Variants in RNF10 observed in about 807,000 individuals in gnomAD.
RNF10 encodes the protein E3 ubiquitin-protein ligase RNF10.
In RNF10, 38 loss-of-function variants were observed where a neutral mutation model predicts 91.4. That is an observed-to-expected ratio of 0.42 (90% CI 0.32 to 0.54). The LOEUF is 0.54. Among genes scored for constraint, RNF10 ranks in the 20% least tolerant of loss-of-function variants. The pLI is 0.16. For synonymous variants in RNF10, 364 were observed against 366.3 expected (o/e 0.99, Z 0.07); for missense variants, 945 against 1,012.0 (o/e 0.93, Z 0.90).
At chr12:120,553,695 A>G (rs1164554843) in intron 3 of RNF10, among the ~76,000 whole-genome samples, 2 of 151,204 alleles carry the variant, frequency 1.3e-5, no homozygotes, top group Non-Finnish European at 3.0e-5. Context: ...GAGCCACGGC[A>G]CCCAACCAGG....
At chr12:120,568,897 C>T (rs138042726) in intron 13 of RNF10, among the ~76,000 whole-genome samples, 38 of 152,216 alleles carry the variant, frequency 2.5e-4, no homozygotes, top group Middle Eastern at 3.4e-3. Flanking sequence ...GCTGGGATTC[C>T]AGGTGTGAGC....
At chr12:120,562,893 A>G in intron 7 of RNF10, 52 bp from the exon 8 acceptor site, 1 of 1,611,170 alleles carries the variant, frequency 6.2e-7, no homozygotes, top group African/African-American at 1.3e-5. Flanking sequence ...CTTCAAGCTA[A>G]GTGTGTGTCT....
At position 120,557,430 on chromosome 12, in the gene RNF10, T is replaced by C. The variant is rs1162667641; in HGVS notation, c.794T>C (p.Ile265Thr). ...LSEKTWSKCP[I>T]CYSSVHKKDL... Reference sequence around the variant, plus strand: ...GAGAAGACGTGGAGTAAATGTCCCATCTGTTACAGTTCTGTGCATAAGAAG... The same window carrying C: ...GAGAAGACGTGGAGTAAATGTCCCACCTGTTACAGTTCTGTGCATAAGAAG... Residue 265 changes from isoleucine (I) to threonine (T), a missense_variant, in exon 5 of 17, where the codon ATC (isoleucine) becomes ACC (threonine). By Grantham distance (89) the Ile-to-Thr change is moderately conservative. Coordinates refer to ENST00000325954, the MANE Select transcript of RNF10 (RefSeq NM_014868.5). 1.9e-6 allele frequency: 3 copies of C among 1,614,196 alleles called. No individual in the cohort carries two copies. The highest frequency in any genetic ancestry group is 2.5e-6 in the Non-Finnish European group (3 of 1,180,032).
chr12:120,573,683 A>G (rs1455637280), intron 14 of RNF10, among the ~76,000 whole-genome samples: 1 of 152,108 alleles, frequency 6.6e-6, no homozygotes, highest in Admixed American at 6.5e-5. Flanking sequence ...TGGTACACGA[A>G]GTGAAGGGGT....
intron 11 of RNF10, 57 bp from the exon 12 acceptor site, chr12:120,565,371 G>A: frequency 6.7e-7 from 1 of 1,492,200 alleles, no homozygotes; most frequent in South Asian, 1.1e-5. Flanking sequence ...AATACTGGGA[G>A]GAGGTAATGA....
chr12:120,535,102 C>G, intron 1 of RNF10, 134 bp downstream of exon 1: 1 of 985,978 alleles, frequency 1.0e-6, no homozygotes, highest in South Asian at 1.8e-5. Flanking sequence ...TTTTCCATGG[C>G]TCTCATTTGC....
At chr12:120,566,185 G>T (rs1407747197) in intron 12 of RNF10, among the ~76,000 whole-genome samples, 2 of 152,184 alleles carry the variant, frequency 1.3e-5, no homozygotes, top group African/African-American at 4.8e-5. Flanking sequence ...CCAACACCGT[G>T]TAGGTGTTTG....
intron 7 of RNF10, among the ~76,000 whole-genome samples, chr12:120,561,316 C>T (rs1408218438): frequency 1.3e-5 from 2 of 152,134 alleles, no homozygotes; most frequent in African/African-American, 2.4e-5. Context: ...CTTAGGAGTA[C>T]CTGAAACGGC....
chr12:120,538,653 AAGAG>A (rs1193231602), intron 1 of RNF10, among the ~76,000 whole-genome samples: 2 of 152,194 alleles, frequency 1.3e-5, no homozygotes, highest in Non-Finnish European at 2.9e-5. Flanking sequence ...GGAGCAAAGA[AAGAG>A]AGGCAAGAGA....
At chr12:120,567,054 C>A (rs1875850105) in intron 13 of RNF10, 74 bp downstream of exon 13, 2 of 1,435,618 alleles carry the variant, frequency 1.4e-6, no homozygotes, top group Non-Finnish European at 1.9e-6. Flanking sequence ...GAGTTTACAA[C>A]CCCGGCCCAC....
At chr12:120,543,972 A>C (rs1249292754) in intron 1 of RNF10, among the ~76,000 whole-genome samples, 2 of 152,150 alleles carry the variant, frequency 1.3e-5, no homozygotes, top group African/African-American at 4.8e-5. Context: ...TCATGCCTGT[A>C]ATCCCAGTAC....
chr12:120,560,773 C>CAGCTCTA lies in RNF10; in HGVS notation c.1017_1018insCTCTAAG (p.Val340LeufsTer2). The CAGCTCTA allele has an allele frequency of 6.2e-7, 1 of 1,614,130 alleles. No individual in the cohort carries two copies. The highest frequency in any genetic ancestry group is 8.5e-7 in the Non-Finnish European group (1 of 1,180,022). ...CAAGTTGCTGCTGGCCTCTAAGGAG[C>CAGCTCTA]AGGTGCTGCACCGGGTAGTTCTGGA... On this transcript the variant is annotated stop_gained and frameshift_variant, in exon 7 of 17. Coordinates refer to ENST00000325954, the MANE Select transcript of RNF10 (RefSeq NM_014868.5). LOFTEE classifies it high-confidence loss of function.
At position 120,552,952 on chromosome 12, in the gene RNF10, C is replaced by T. The variant is rs536011068; in HGVS notation, c.554+254C>T. Among the ~76,000 whole-genome samples, 5 of 151,404 alleles carry T rather than the reference C, an allele frequency of 3.3e-5. No homozygotes were observed. The South Asian group carries it at 8.3e-4, about 25-fold the overall frequency. ...GTAGAAAACATGTTTGGAATTGGAC[C>T]TAGATTTGAATCTTGTTTCGGCCTT... On this transcript the variant is annotated intron_variant, in intron 3 of 16. Transcript: ENST00000325954.
chr12:120,545,554 T>A (rs1467831659), intron 1 of RNF10, among the ~76,000 whole-genome samples: 2 of 151,758 alleles, frequency 1.3e-5, no homozygotes, highest in African/African-American at 2.4e-5. Context: ...ATTAAATTTT[T>A]TTTTGAGATA....
In RNF10 at chr12:120,554,608, G is replaced by A. The variant is rs113425941; in HGVS notation, c.555-110G>A. 2.1e-3 allele frequency: 1,695 copies of A among 821,702 alleles called. 26 individuals are homozygous for A. The African/African-American group carries it at 0.025, about 12-fold the overall frequency. The allele number at this position is 821,702 out of a possible 1,614,324, so 50.9% of individuals were successfully genotyped here. On this transcript the variant is annotated intron_variant, in intron 3 of 16. Coordinates refer to ENST00000325954, the MANE Select transcript of RNF10 (RefSeq NM_014868.5). The stretch of plus-strand genomic sequence containing the variant: ...CCTAGTGCAGTGCCTCATGAACCAG[G>A]GCTGCTAATGGCCTGCATTTGATTT...
At chr12:120,567,526 C>T (rs1875940773) in intron 13 of RNF10, among the ~76,000 whole-genome samples, 1 of 151,934 alleles carries the variant, frequency 6.6e-6, no homozygotes, top group South Asian at 2.1e-4. Flanking sequence ...CACAGTGAAA[C>T]CCTATCTCTA....
At chr12:120,561,286 T>C (rs926757731) in intron 7 of RNF10, among the ~76,000 whole-genome samples, 1 of 152,204 alleles carries the variant, frequency 6.6e-6, no homozygotes, top group African/African-American at 2.4e-5. Context: ...GGAGAAAGTA[T>C]TATGGCCTGC....
chr12:120,546,338 T>G, intron 1 of RNF10, 67 bp from the exon 2 acceptor site: 1 of 1,449,904 alleles, frequency 6.9e-7, no homozygotes, highest in Non-Finnish European at 9.4e-7. Flanking sequence ...TGCTGGGAGG[T>G]GGAGGGCAGT....
At position 120,577,334 on chromosome 12, in the gene RNF10, A is replaced by G. The variant is rs951086901; in HGVS notation, c.*668A>G. On this transcript the variant is annotated 3_prime_UTR_variant, in exon 17 of 17. Transcript: ENST00000325954. ...AAGCTGTAACTCACGAAGCCCTGAGACCTGCTACCCCTAAGATCGAGCTTG... is the reference window on the plus strand; with the variant it reads ...AAGCTGTAACTCACGAAGCCCTGAGGCCTGCTACCCCTAAGATCGAGCTTG... The G allele has an allele frequency of 1.1e-5, 4 of 370,336 alleles. No homozygotes were observed. Among genetic ancestry groups the G allele is most frequent in the African/African-American group, 2.2e-5 (1 of 46,104 alleles). 22.9% of individuals were successfully genotyped at this position (370,336 alleles called of 1,614,324 possible).
Sources: allele counts gnomAD v4.1 joint callset (sites outside exome capture counted in the v4.1 genomes callset), GRCh38; gene constraint gnomAD v4.1.1; transcripts MANE v1.5; gene names NCBI Gene and HGNC (gene_info 2026-07-23, HGNC 2026-07-21).